AKAP1: variants seen among roughly 807,000 people sequenced by gnomAD.
The protein encoded by AKAP1 is A-kinase anchor protein 1, mitochondrial.
In AKAP1, 32 loss-of-function variants were observed where a neutral mutation model predicts 79.8. The observed-to-expected ratio is 0.40, with a 90% CI of 0.30 to 0.54. The LOEUF is 0.54. AKAP1 is among the 20% of genes least tolerant of loss of function. The pLI, the probability that AKAP1 is intolerant of heterozygous loss-of-function variation, is 0.47. For missense variants in AKAP1, 961 were observed against 1,138.9 expected, an observed-to-expected ratio of 0.84 and a Z score of 2.25; for synonymous variants, 416 against 466.7, an observed-to-expected ratio of 0.89 and a Z score of 1.40.
At position 57,105,879 on chromosome 17, in the gene AKAP1, G is replaced by T; in HGVS notation, c.415G>T (p.Glu139Ter). 6.2e-7 allele frequency: 1 copy of T among 1,614,246 alleles called. No individual in the cohort carries two copies. The highest frequency in any genetic ancestry group is 8.5e-7 in the Non-Finnish European group (1 of 1,180,046). ...GCTGGAGCTAGCCCTGACAGGTGGT[G>T]AAGCCAAATCGATTCCTCTAGAGTG... The part of the protein sequence containing the change: ...TKLELALTGG[E>*]AKSIPLECPL... The change falls in exon 2 of 11, where the codon GAA becomes TAA. Residue 139 changes from glutamate (E) to a stop codon, truncating the protein, a stop_gained. Transcript: ENST00000337714. LOFTEE classifies it high-confidence loss of function.
At chr17:57,100,063 A>T (rs1453800492) in intron 1 of AKAP1, among the ~76,000 whole-genome samples, 1 of 152,104 alleles carries the variant, frequency 6.6e-6, no homozygotes, top group African/African-American at 2.4e-5. Flanking sequence ...AGCCATCTTG[A>T]GAGGTGGTTT....
intron 3 of AKAP1, 117 bp from the exon 4 acceptor site, chr17:57,111,681 A>T: frequency 7.8e-7 from 1 of 1,277,830 alleles, no homozygotes; most frequent in Non-Finnish European, 1.1e-6. Context: ...ATAAATGCTG[A>T]CATGGTAACA....
intron 1 of AKAP1, among the ~76,000 whole-genome samples, chr17:57,088,576 T>A (rs1913596635): frequency 6.6e-6 from 1 of 152,016 alleles, no homozygotes; most frequent in Non-Finnish European, 1.5e-5. Flanking sequence ...GGGTGTGGAG[T>A]TAAAACTAGG....
Position 57,110,019 on chromosome 17 carries a change from C to T in AKAP1, c.1715-6C>T, listed in dbSNP as rs1214161317. 1 of 1,613,676 alleles carries T rather than the reference C, an allele frequency of 6.2e-7. No homozygotes were observed. The highest frequency in any genetic ancestry group is 2.2e-5 in the East Asian group (1 of 44,872). On this transcript the variant is annotated splice_region_variant and splice_polypyrimidine_tract_variant and intron_variant, in intron 2 of 10. Transcript: ENST00000337714. ...GTGTGCGTGCCTGCTGCTTCTTCCC[C>T]TGCAGGTTCTGACAGGAACAGCATG... is the stretch of plus-strand genomic sequence containing the variant.
intron 7 of AKAP1, 50 bp from the exon 8 acceptor site, chr17:57,116,810 G>A (rs755718752): frequency 6.6e-7 from 1 of 1,516,046 alleles, no homozygotes; most frequent in Admixed American, 1.7e-5. Flanking sequence ...GCTTGGAGTG[G>A]AGTCAGCCTT....
chr17:57,097,782 C>T (rs773445712), intron 1 of AKAP1, among the ~76,000 whole-genome samples: 10 of 152,192 alleles, frequency 6.6e-5, no homozygotes, highest in East Asian at 1.9e-4. Context: ...GTTCAAATTC[C>T]AGTGTAAATG....
At chr17:57,098,000 T>C (rs951679258) in intron 1 of AKAP1, among the ~76,000 whole-genome samples, 3 of 152,230 alleles carry the variant, frequency 2.0e-5, no homozygotes, top group Admixed American at 1.3e-4. Flanking sequence ...TGTTTTCTTG[T>C]TTAGCAGAAG....
chr17:57,107,518 G>A (rs1914970232), intron 2 of AKAP1, among the ~76,000 whole-genome samples: 1 of 151,992 alleles, frequency 6.6e-6, no homozygotes, highest in Admixed American at 6.6e-5. Flanking sequence ...TATTATTTTG[G>A]TGCAGATGGA....
At chr17:57,089,282 G>GA (rs948839354) in intron 1 of AKAP1, among the ~76,000 whole-genome samples, 1 of 151,468 alleles carries the variant, frequency 6.6e-6, no homozygotes, top group Non-Finnish European at 1.5e-5. Flanking sequence ...GACTTAAGGG[G>GA]AAAAAAAACA....
rs773431872 is a variant in AKAP1, at chr17:57,106,680, G to T, written c.1216G>T (p.Ala406Ser). 17 of 1,613,962 alleles carry T rather than the reference G, an allele frequency of 1.1e-5. No homozygotes were observed. The highest frequency in any genetic ancestry group is 3.3e-4 in the Middle Eastern group (2 of 6,084). The change falls in exon 2 of 11, where the codon GCC (alanine) becomes TCC (serine). Residue 406 changes from alanine to serine, a missense_variant. Ala to Ser is a moderately conservative substitution (Grantham distance 99, BLOSUM62 1). Coordinates refer to ENST00000337714, the MANE Select transcript of AKAP1 (RefSeq NM_003488.4). ...CTTGGGCCCAGACACTGCGGAGCCT[G>T]CCACAGCAGAGGCAGCTGTTGCCCC... ...TVLGPDTAEP[A>S]TAEAAVAPPD...
rs1448469413 is a variant in AKAP1 at position 57,106,251 on chromosome 17, G to T, written c.787G>T (p.Val263Leu). 3 of 1,614,086 alleles carry T rather than the reference G, an allele frequency of 1.9e-6. No homozygotes were observed. Among genetic ancestry groups the T allele is most frequent in the Non-Finnish European group, 2.5e-6 (3 of 1,180,052 alleles). ...VVGPVQEEEY[V>L]AEKLPSRFIE... ...GGGGCCAGTGCAGGAGGAAGAGTAT[G>T]TAGCAGAGAAGTTGCCAAGTAGGTT... is the stretch of plus-strand genomic sequence containing the variant. The change falls in exon 2 of 11, where the codon GTA becomes TTA. Residue 263 changes from valine to leucine, a missense_variant. By Grantham distance (32) the Val-to-Leu change is conservative. Coordinates refer to ENST00000337714, the MANE Select transcript of AKAP1 (RefSeq NM_003488.4).
intron 8 of AKAP1, among the ~76,000 whole-genome samples, chr17:57,118,036 T>C (rs1240650871): frequency 6.6e-6 from 1 of 152,076 alleles, no homozygotes; most frequent in Non-Finnish European, 1.5e-5. Flanking sequence ...ACTAATTTTG[T>C]GGAAGAACAC....
chr17:57,091,570 G>A (rs1389176288), intron 1 of AKAP1, among the ~76,000 whole-genome samples: 1 of 152,148 alleles, frequency 6.6e-6, no homozygotes, highest in African/African-American at 2.4e-5. Context: ...GGCAGCCCGG[G>A]GAGCTGGGGA....
intron 5 of AKAP1, among the ~76,000 whole-genome samples, chr17:57,113,117 C>T (rs913985478): frequency 6.6e-6 from 1 of 152,192 alleles, no homozygotes; most frequent in Admixed American, 6.5e-5. Flanking sequence ...AATGAATACT[C>T]CCCACCAGGC....
Position 57,114,666 on chromosome 17 carries a change from G to A in AKAP1, c.2281+30G>A, listed in dbSNP as rs111615147. 61 of 1,589,432 alleles carry A rather than the reference G, an allele frequency of 3.8e-5. 3 individuals are homozygous for A. The African/African-American group carries it at 4.2e-4, about 11-fold the overall frequency. ...GCAGTGCCCTGAGGGGTCGGGAAGGGGGACCCCTGGGGTTGCCTGTTCTGC... is the reference window on the plus strand; with the variant it reads ...GCAGTGCCCTGAGGGGTCGGGAAGGAGGACCCCTGGGGTTGCCTGTTCTGC... On this transcript the variant is annotated intron_variant, in intron 6 of 10. Coordinates refer to ENST00000337714, the MANE Select transcript of AKAP1 (RefSeq NM_003488.4).
rs971044580 is a variant in AKAP1, at chr17:57,086,435, A to G, written c.-25+1037A>G. 1 of 456,350 alleles carries G rather than the reference A, an allele frequency of 2.2e-6. No individual in the cohort carries two copies. The highest frequency in any genetic ancestry group is 2.0e-5 in the African/African-American group (1 of 50,052). 28.3% of individuals were successfully genotyped at this position (456,350 alleles called of 1,614,324 possible). A position where few individuals can be genotyped will look rare whatever the true frequency, so the allele number is the denominator to read the frequency against. Reference sequence around the variant, plus strand: ...CGGTGCTGTGGCGACTCGGAACGGCATGGGAGCCCTGGGCGTTTCGGGATC... The same window carrying G: ...CGGTGCTGTGGCGACTCGGAACGGCGTGGGAGCCCTGGGCGTTTCGGGATC... On this transcript the variant is annotated intron_variant, in intron 1 of 10. Transcript: ENST00000337714. This position sits in a 1 kb window ranked among gnomAD's most constrained non-coding sequence, Gnocchi z 5.1.
At chr17:57,103,814 T>C (rs574077970) in intron 1 of AKAP1, among the ~76,000 whole-genome samples, 1 of 152,342 alleles carries the variant, frequency 6.6e-6, no homozygotes, top group South Asian at 2.1e-4. Context: ...GAACTTTCTA[T>C]ATCTCAGCTA....
At position 57,106,951 on chromosome 17, in the gene AKAP1, A is replaced by G. The variant is rs1371215580; in HGVS notation, c.1487A>G (p.Gln496Arg). ...TCVTCMSDSSQSVPLVASPGH... is the reference protein window; with the variant it reads ...TCVTCMSDSSRSVPLVASPGH... Reference sequence around the variant, plus strand: ...GTCACCTGCATGTCAGACAGCAGCCAAAGTGTCCCTTTGGTGGCTTCTCCA... The same window carrying G: ...GTCACCTGCATGTCAGACAGCAGCCGAAGTGTCCCTTTGGTGGCTTCTCCA... Residue 496 changes from glutamine to arginine, a missense_variant, in exon 2 of 11, where the codon CAA becomes CGA. By Grantham distance (43) the Gln-to-Arg change is conservative. Around this residue, in one of 3 missense-constraint regions of AKAP1, gnomAD observed 629 missense variants for 781.1 expected, o/e 0.81. Transcript: ENST00000337714. 2.5e-6 allele frequency: 4 copies of G among 1,613,960 alleles called. No individual in the cohort carries two copies. Among genetic ancestry groups the G allele is most frequent in the South Asian group, 1.1e-5 (1 of 91,088 alleles).
intron 2 of AKAP1, chr17:57,108,075 C>A: frequency 8.7e-7 from 1 of 1,153,626 alleles, no homozygotes; most frequent in Non-Finnish European, 1.1e-6. Context: ...CCTGCTTCTG[C>A]AGGCACCCTG....
Sources: allele counts gnomAD v4.1 joint callset (sites outside exome capture counted in the v4.1 genomes callset), GRCh38; gene constraint gnomAD v4.1.1; regional missense constraint gnomAD v4.1.1; non-coding constraint Gnocchi (gnomAD v3.1); transcripts MANE v1.5; gene names NCBI Gene and HGNC (gene_info 2026-07-23, HGNC 2026-07-21).